RASAL2: variants seen among roughly 807,000 people sequenced by gnomAD.
RASAL2 encodes ras GTPase-activating protein nGAP.
A neutral mutation model predicts 128.9 loss-of-function variants in RASAL2; 58 were observed. The ratio of observed to expected loss-of-function variants is 0.45; its 90% CI spans 0.36 to 0.56. RASAL2 has a LOEUF of 0.56. RASAL2 is among the 20% of genes least tolerant of loss of function. RASAL2 has a pLI of 0.00. For missense variants in RASAL2, 1,360 were observed against 1,601.6 expected, an observed-to-expected ratio of 0.85 and a Z score of 2.57; for synonymous variants, 561 against 580.8, an observed-to-expected ratio of 0.97 and a Z score of 0.49.
intron 1 of RASAL2, among the ~76,000 whole-genome samples, chr1:178,254,574 T>C (rs1160712743): frequency 6.6e-6 from 1 of 150,940 alleles, no homozygotes; most frequent in Non-Finnish European, 1.5e-5. Flanking sequence ...AAAGCAAGAG[T>C]CTGTAATACT....
intron 1 of RASAL2, among the ~76,000 whole-genome samples, chr1:178,095,241 C>T (rs1186373508): frequency 6.6e-6 from 1 of 152,210 alleles, no homozygotes; most frequent in Non-Finnish European, 1.5e-5. Flanking sequence ...TCAGATTACA[C>T]TATTGTTTCT....
At chr1:178,389,525 A>G (rs1329615530) in intron 3 of RASAL2, among the ~76,000 whole-genome samples, 1 of 152,226 alleles carries the variant, frequency 6.6e-6, no homozygotes, top group Non-Finnish European at 1.5e-5. Flanking sequence ...TAGTAAGGTC[A>G]TATTGCCAGA....
chr1:178,286,433 G>A (rs1216351231), intron 2 of RASAL2, among the ~76,000 whole-genome samples: 1 of 136,260 alleles, frequency 7.3e-6, no homozygotes, highest in Non-Finnish European at 1.5e-5. Flanking sequence ...TTTTTGAGAT[G>A]GAGTCTCTCT....
chr1:178,142,215 G>T (rs1217310569), intron 1 of RASAL2, among the ~76,000 whole-genome samples: 1 of 152,074 alleles, frequency 6.6e-6, no homozygotes, highest in East Asian at 1.9e-4. Context: ...ACTCGAGTGC[G>T]ATGTATCCAA....
chr1:178,420,130 CA>C (rs1316578636), intron 4 of RASAL2, among the ~76,000 whole-genome samples: 1 of 152,148 alleles, frequency 6.6e-6, no homozygotes, highest in East Asian at 1.9e-4. Flanking sequence ...TTTGGGAAAT[CA>C]GTAGATGTCA....
intron 1 of RASAL2, among the ~76,000 whole-genome samples, chr1:178,151,470 G>C (rs1660913164): frequency 6.6e-6 from 1 of 152,170 alleles, no homozygotes; most frequent in Non-Finnish European, 1.5e-5. Flanking sequence ...ATTATGTATT[G>C]ATCAGTTGAT....
At chr1:178,456,564 T>C in intron 12 of RASAL2, 157 bp from the exon 13 acceptor site, 2 of 770,836 alleles carry the variant, frequency 2.6e-6, no homozygotes, top group East Asian at 2.4e-5. Flanking sequence ...TGCTGCTCCA[T>C]AACAATGCAT....
chr1:178,195,593 AT>A (rs1010756553), intron 1 of RASAL2, among the ~76,000 whole-genome samples: 40 of 152,310 alleles, frequency 2.6e-4, no homozygotes, highest in African/African-American at 8.9e-4. Flanking sequence ...AGAATTAAAA[AT>A]AATAAATATA....
intron 1 of RASAL2, among the ~76,000 whole-genome samples, chr1:178,113,545 T>C (rs904746888): frequency 6.6e-6 from 1 of 150,792 alleles, no homozygotes; most frequent in Non-Finnish European, 1.5e-5. Context: ...TGTGTGTGTG[T>C]GTGTGTGTGT....
intron 1 of RASAL2, among the ~76,000 whole-genome samples, chr1:178,121,810 C>T (rs886708908): frequency 2.0e-4 from 31 of 152,084 alleles, no homozygotes; most frequent in African/African-American, 6.0e-4. Flanking sequence ...ATACTCTTTT[C>T]CCCCAACCCT....
At chr1:178,353,267 T>G (rs1444846293) in intron 3 of RASAL2, among the ~76,000 whole-genome samples, 2 of 152,250 alleles carry the variant, frequency 1.3e-5, no homozygotes, top group Non-Finnish European at 2.9e-5. Context: ...GCATAGGTTG[T>G]TAGAAGCAGC....
chr1:178,393,997 G>A (rs1673068157), intron 4 of RASAL2, among the ~76,000 whole-genome samples: 1 of 152,146 alleles, frequency 6.6e-6, no homozygotes, highest in Admixed American at 6.6e-5. Context: ...AGAGCAGAAT[G>A]GATGGATTTT....
intron 2 of RASAL2, among the ~76,000 whole-genome samples, chr1:178,294,010 A>C (rs1056887645): frequency 6.6e-6 from 1 of 151,776 alleles, no homozygotes; most frequent in Non-Finnish European, 1.5e-5. Flanking sequence ...AAACTAAGCC[A>C]TGGCACTGAA....
intron 11 of RASAL2, among the ~76,000 whole-genome samples, chr1:178,454,014 A>G (rs1026855627): frequency 5.9e-5 from 9 of 152,114 alleles, no homozygotes; most frequent in Admixed American, 3.9e-4. Context: ...GAATCTAGAT[A>G]GGCAAAGGAG....
rs144065510 is a variant in RASAL2, at chr1:178,348,735, G to A, written c.458-41365G>A. 1.2e-4 allele frequency among the ~76,000 whole-genome samples: 18 copies of A among 151,604 alleles called. 1 individual carries two copies. In the East Asian group the frequency reaches 3.5e-3, roughly 29 times the overall value. On this transcript the variant is annotated intron_variant, in intron 3 of 17. Coordinates refer to ENST00000367649, the MANE Select transcript of RASAL2 (RefSeq NM_170692.4). ...CAACTTCCAAGTTGATGGAAGTGATGTTCTGTAAAAGTCCTTTTTTGTTTA... is the reference window on the plus strand; with the variant it reads ...CAACTTCCAAGTTGATGGAAGTGATATTCTGTAAAAGTCCTTTTTTGTTTA...
At chr1:178,322,337 T>C (rs1668834102) in intron 3 of RASAL2, among the ~76,000 whole-genome samples, 2 of 152,228 alleles carry the variant, frequency 1.3e-5, no homozygotes, top group Admixed American at 1.3e-4. Context: ...TTTCTTTTGC[T>C]TTGTCCTTTC....
chr1:178,372,202 G>C (rs1671760580), intron 3 of RASAL2: 2 of 985,182 alleles, frequency 2.0e-6, no homozygotes, highest in Admixed American at 1.2e-4. Flanking sequence ...TCATCATTCA[G>C]TAATTGTGCT....
At chr1:178,225,979 A>G (rs1011730774) in intron 1 of RASAL2, among the ~76,000 whole-genome samples, 2 of 152,140 alleles carry the variant, frequency 1.3e-5, no homozygotes, top group African/African-American at 4.8e-5. Flanking sequence ...ATTTCAGGCA[A>G]ATGTTCTCAT....
chr1:178,111,344 A>G (rs1659316062), intron 1 of RASAL2, among the ~76,000 whole-genome samples: 2 of 152,286 alleles, frequency 1.3e-5, no homozygotes, highest in South Asian at 2.1e-4. Flanking sequence ...CCTGGGCTCA[A>G]GTGATCCTCC....
Sources: allele counts gnomAD v4.1 joint callset (sites outside exome capture counted in the v4.1 genomes callset), GRCh38; gene constraint gnomAD v4.1.1; transcripts MANE v1.5; gene names NCBI Gene and HGNC (gene_info 2026-07-23, HGNC 2026-07-21).